The following EIF4G3 variants were observed in gnomAD, a reference collection of about 807,000 sequenced individuals.
EIF4G3 encodes the protein eukaryotic translation initiation factor 4 gamma 3, also known as eIF-4-gamma 3.
In EIF4G3, 34 loss-of-function variants were observed where a neutral mutation model predicts 186.4. The observed-to-expected ratio is 0.18, with a 90% CI of 0.14 to 0.24. EIF4G3 has a LOEUF of 0.24. Ranked by LOEUF, EIF4G3 falls within the 10% of genes least tolerant of loss-of-function variation. The pLI, the probability that EIF4G3 is intolerant of heterozygous loss-of-function variation, is 1.00. For missense variants in EIF4G3, 1,536 were observed against 1,948.5 expected, an observed-to-expected ratio of 0.79 and a Z score of 3.99; for synonymous variants, 673 against 679.5, an observed-to-expected ratio of 0.99 and a Z score of 0.15.
At chr1:21,063,214 C>T (rs1481694436) in intron 3 of EIF4G3, among the ~76,000 whole-genome samples, 3 of 151,968 alleles carry the variant, frequency 2.0e-5, no homozygotes, top group South Asian at 4.2e-4. Flanking sequence ...CTACGACGCC[C>T]GGCTAATAGG....
intron 14 of EIF4G3, among the ~76,000 whole-genome samples, chr1:20,909,033 TC>T (rs1250885483): frequency 6.6e-6 from 1 of 151,822 alleles, no homozygotes; most frequent in African/African-American, 2.4e-5. Context: ...GTGCCTGTAA[TC>T]CCAGCTACTC....
intron 14 of EIF4G3, among the ~76,000 whole-genome samples, chr1:20,934,502 A>G (rs2095450081): frequency 6.6e-6 from 1 of 152,108 alleles, no homozygotes; most frequent in African/African-American, 2.4e-5. Context: ...GGGGGCAGAA[A>G]GTTAAAAAAA....
chr1:20,974,374 ATGAAAACCAAGGCAGTGGT>A (rs929685654), intron 10 of EIF4G3, among the ~76,000 whole-genome samples: 18 of 152,226 alleles, frequency 1.2e-4, no homozygotes, highest in African/African-American at 4.3e-4. Context: ...AGCCAAAGAG[ATGAAAACCAAGGCAGTGGT>A]TGAAATCAAG....
chr1:21,104,091 C>A (rs6426669), intron 2 of EIF4G3, among the ~76,000 whole-genome samples: 61,309 of 151,884 alleles, frequency 0.4, 12,681 homozygotes, highest in Non-Finnish European at 0.43. Flanking sequence ...TAACTAAATC[C>A]CTACATGAAA....
intron 12 of EIF4G3, among the ~76,000 whole-genome samples, chr1:20,967,316 T>C (rs992923860): frequency 6.6e-6 from 1 of 152,238 alleles, no homozygotes; most frequent in Non-Finnish European, 1.5e-5. Flanking sequence ...TTTAATATGT[T>C]TGAAAATACA....
intron 2 of EIF4G3, among the ~76,000 whole-genome samples, chr1:21,162,716 C>G (rs1024797166): frequency 6.6e-6 from 1 of 150,918 alleles, no homozygotes; most frequent in African/African-American, 2.4e-5. Context: ...CCATTGCACT[C>G]CAGCCTGGGG....
chr1:21,124,289 GA>G (rs111737648), intron 2 of EIF4G3, among the ~76,000 whole-genome samples: 121 of 146,832 alleles, frequency 8.2e-4, no homozygotes, highest in African/African-American at 2.5e-3. Context: ...CGGTCTCAAA[GA>G]AAAAAAAAAA....
At chr1:20,989,631 A>G (rs1181395917) in intron 7 of EIF4G3, among the ~76,000 whole-genome samples, 1 of 151,902 alleles carries the variant, frequency 6.6e-6, no homozygotes, top group Admixed American at 6.6e-5. Context: ...TCTCATGATA[A>G]AACCTGAACA....
intron 14 of EIF4G3, among the ~76,000 whole-genome samples, chr1:20,936,716 T>C (rs1465254177): frequency 1.3e-5 from 2 of 152,222 alleles, no homozygotes; most frequent in Admixed American, 1.3e-4. Flanking sequence ...GTACTCTGAA[T>C]ACTCTCACAG....
At chr1:20,827,240 T>C (rs193081325) in intron 32 of EIF4G3, among the ~76,000 whole-genome samples, 1 of 152,356 alleles carries the variant, frequency 6.6e-6, no homozygotes, top group East Asian at 1.9e-4. Context: ...TTTAGATTTA[T>C]CTGTTCCCAC....
At chr1:20,971,970 A>T (rs75363338) in intron 11 of EIF4G3, among the ~76,000 whole-genome samples, 1,942 of 152,244 alleles carry the variant, frequency 0.013, 21 homozygotes, top group East Asian at 0.022. Context: ...GAGTAATTCA[A>T]GAGTATTGCT....
At chr1:21,021,564 T>C (rs895082983) in intron 4 of EIF4G3, among the ~76,000 whole-genome samples, 3 of 152,044 alleles carry the variant, frequency 2.0e-5, no homozygotes, top group Non-Finnish European at 4.4e-5. Context: ...TCTTTTTTTT[T>C]CTTTATGTGG....
At chr1:21,117,264 A>G (rs945472002) in intron 2 of EIF4G3, among the ~76,000 whole-genome samples, 1 of 152,096 alleles carries the variant, frequency 6.6e-6, no homozygotes, top group African/African-American at 2.4e-5. Flanking sequence ...TATTTTCAAA[A>G]TCACCTGGCA....
Position 20,893,639 on chromosome 1 carries a change from G to A in EIF4G3, c.2134-3C>T, listed in dbSNP as rs1465936274. The stretch of plus-strand genomic sequence containing the variant: ...ATTGGCAATTTGGGTTGGTTGATCT[G>A]CATGAAAAAGCAAAAGAAAGCTTAA... On this transcript the variant is annotated splice_polypyrimidine_tract_variant and splice_region_variant and intron_variant, in intron 17 of 36. Transcript: ENST00000602326. 1.9e-6 allele frequency: 3 copies of A among 1,544,956 alleles called. No homozygotes were observed. The highest frequency in any genetic ancestry group is 2.6e-6 in the Non-Finnish European group (3 of 1,133,378).
intron 2 of EIF4G3, among the ~76,000 whole-genome samples, chr1:21,159,613 G>A (rs2097724840): frequency 6.6e-6 from 1 of 151,982 alleles, no homozygotes; most frequent in South Asian, 2.1e-4. Context: ...GGTGGCGCAC[G>A]CCTGTAATTC....
intron 3 of EIF4G3, among the ~76,000 whole-genome samples, chr1:21,061,062 AAATT>A (rs545279758): frequency 2.6e-4 from 40 of 152,318 alleles, no homozygotes; most frequent in African/African-American, 9.1e-4. Context: ...ATACTTAAAT[AAATT>A]ATATAGTATA....
At chr1:20,845,262 A>G (rs1452085203) in intron 29 of EIF4G3, among the ~76,000 whole-genome samples, 1 of 152,182 alleles carries the variant, frequency 6.6e-6, no homozygotes, top group Non-Finnish European at 1.5e-5. Flanking sequence ...AGATAAGATA[A>G]TTGTAGGTGT....
intron 13 of EIF4G3, among the ~76,000 whole-genome samples, chr1:20,946,875 A>G (rs1469590205): frequency 2.0e-5 from 3 of 152,120 alleles, no homozygotes; most frequent in Non-Finnish European, 4.4e-5. Flanking sequence ...GAGACTTTAG[A>G]GTTAACATGA....
chr1:21,167,732 T>C (rs769766797), intron 2 of EIF4G3, among the ~76,000 whole-genome samples: 1 of 152,030 alleles, frequency 6.6e-6, no homozygotes, highest in African/African-American at 2.4e-5. Context: ...CAATCCAGCC[T>C]GGGCAACAGA....
Sources: allele counts gnomAD v4.1 joint callset (sites outside exome capture counted in the v4.1 genomes callset), GRCh38; gene constraint gnomAD v4.1.1; transcripts MANE v1.5; gene names NCBI Gene and HGNC (gene_info 2026-07-23, HGNC 2026-07-21).